The following PCDHGA4 variants were observed in gnomAD, a reference collection of about 807,000 sequenced individuals.
PCDHGA4 encodes protocadherin gamma subfamily A, 4.
PCDHGA4 carries 38 observed loss-of-function variants against 54.6 expected under a neutral mutation model. That is an observed-to-expected ratio of 0.70 (90% confidence interval 0.54 to 0.91). The LOEUF is 0.91. Among genes scored for constraint, PCDHGA4 ranks in the 40% least tolerant of loss-of-function variants. PCDHGA4 has a pLI of 0.00. For synonymous variants in PCDHGA4, 511 were observed against 512.9 expected, an observed-to-expected ratio of 1.00 and a Z score of 0.05; for missense variants, 1,298 against 1,220.9, an observed-to-expected ratio of 1.06 and a Z score of -0.94.
At chr5:141,457,933 TATTGGC>T (rs2098933012) in intron 1 of PCDHGA4, among the ~76,000 whole-genome samples, 2 of 152,206 alleles carry the variant, frequency 1.3e-5, no homozygotes, top group Non-Finnish European at 2.9e-5. Context: ...AAGGGGCTTT[TATTGGC>T]TCTGCATGTC....
intron 1 of PCDHGA4, chr5:141,414,814 A>C (rs1368279926): frequency 6.2e-7 from 1 of 1,614,100 alleles, no homozygotes; most frequent in African/African-American, 1.3e-5. Flanking sequence ...TCCTCCACTC[A>C]GCAGCAACGT....
In PCDHGA4 at chr5:141,477,250, C is replaced by G; in HGVS notation, c.2515-17557C>G. 6.2e-7 allele frequency: 1 copy of G among 1,614,190 alleles called. No homozygotes were observed. The highest frequency in any genetic ancestry group is 8.5e-7 in the Non-Finnish European group (1 of 1,180,040). On this transcript the variant is annotated intron_variant, in intron 1 of 3. Coordinates refer to ENST00000571252, the MANE Select transcript of PCDHGA4 (RefSeq NM_018917.4). The surrounding 1 kb of genome is among the most constrained non-coding windows in gnomAD (Gnocchi z 4.9). ...TCATCGCTTTGCTCAGTGTGACTGA[C>G]CTGGATGCTGGCGAGAACGGGCTGG...
At chr5:141,419,744 G>A (rs760207269) in intron 1 of PCDHGA4, 28 of 1,613,778 alleles carry the variant, frequency 1.7e-5, no homozygotes, top group East Asian at 2.2e-5. Context: ...GGTGCGCATG[G>A]TGCGTGCTTT....
chr5:141,407,949 C>T, intron 1 of PCDHGA4: 1 of 575,256 alleles, frequency 1.7e-6, no homozygotes, highest in Non-Finnish European at 2.8e-6. Context: ...CCGCTGTCGG[C>T]CAGTGCAGAG....
chr5:141,391,906 T>C (rs2092441756), intron 1 of PCDHGA4: 2 of 152,218 alleles, frequency 1.3e-5, no homozygotes, highest in Non-Finnish European at 2.9e-5. Flanking sequence ...GCTTTGCTTT[T>C]TATCATATAT....
chr5:141,491,131 G>A lies in PCDHGA4; in HGVS notation c.2515-3676G>A. 1 of 1,614,182 alleles carries A rather than the reference G, an allele frequency of 6.2e-7. No individual in the cohort carries two copies. Among genetic ancestry groups the A allele is most frequent in the Non-Finnish European group, 8.5e-7 (1 of 1,180,008 alleles). ...TACACACACTGGTGAGGTGCGCACA[G>A]CCCGGGCCTTACTGGAGGATGACTC... On this transcript the variant is annotated intron_variant, in intron 1 of 3. Coordinates refer to ENST00000571252, the MANE Select transcript of PCDHGA4 (RefSeq NM_018917.4). This position sits in a 1 kb window ranked among gnomAD's most constrained non-coding sequence, Gnocchi z 6.9.
intron 1 of PCDHGA4, among the ~76,000 whole-genome samples, chr5:141,436,848 AT>A (rs1247905529): frequency 6.6e-6 from 1 of 152,244 alleles, no homozygotes; most frequent in African/African-American, 2.4e-5. Flanking sequence ...CACATTCTTG[AT>A]TGAGAAGCCA....
At chr5:141,494,569 T>G (rs1341706026) in intron 1 of PCDHGA4, among the ~76,000 whole-genome samples, 2 of 152,190 alleles carry the variant, frequency 1.3e-5, no homozygotes, top group Non-Finnish European at 2.9e-5. Flanking sequence ...GAAAGGAGTC[T>G]CAGCTTGCTC....
At chr5:141,449,471 G>T (rs1261821886) in intron 1 of PCDHGA4, among the ~76,000 whole-genome samples, 1 of 151,060 alleles carries the variant, frequency 6.6e-6, no homozygotes, top group African/African-American at 2.4e-5. Flanking sequence ...GCCAGGCCTG[G>T]TACCCCATGC....
chr5:141,443,656 A>T (rs139300845), intron 1 of PCDHGA4, among the ~76,000 whole-genome samples: 1 of 152,256 alleles, frequency 6.6e-6, no homozygotes, highest in African/African-American at 2.4e-5. Flanking sequence ...TTAGCATAGC[A>T]TTTTACTGAA....
chr5:141,368,187 G>A (rs80010247), intron 1 of PCDHGA4, among the ~76,000 whole-genome samples: 206 of 152,174 alleles, frequency 1.4e-3, no homozygotes, highest in African/African-American at 4.8e-3. Context: ...GACTAAATAA[G>A]GGGAAAAGGT....
In PCDHGA4 at chr5:141,485,610, C is replaced by A; in HGVS notation, c.2515-9197C>A. ...CTGGACTTGGAAATTGGGGAGGCAGCTCCTCCAGGACAGCGTTTCCCGTTG... is the reference window on the plus strand; with the variant it reads ...CTGGACTTGGAAATTGGGGAGGCAGATCCTCCAGGACAGCGTTTCCCGTTG... On this transcript the variant is annotated intron_variant, in intron 1 of 3. Coordinates refer to ENST00000571252, the MANE Select transcript of PCDHGA4 (RefSeq NM_018917.4). This position sits in a 1 kb window ranked among gnomAD's most constrained non-coding sequence, Gnocchi z 5.7. The A allele has an allele frequency of 1.2e-6, 2 of 1,612,076 alleles. No individual in the cohort carries two copies. The highest frequency in any genetic ancestry group is 1.7e-6 in the Non-Finnish European group (2 of 1,178,616).
At chr5:141,376,572 A>C (rs776986338) in intron 1 of PCDHGA4, 1 of 1,600,622 alleles carries the variant, frequency 6.2e-7, no homozygotes, top group South Asian at 1.1e-5. Context: ...CTAATCAGAC[A>C]GGCTCATCAG....
intron 1 of PCDHGA4, chr5:141,403,638 A>T (rs373036061): frequency 1.9e-6 from 3 of 1,613,906 alleles, no homozygotes; most frequent in Non-Finnish European, 2.5e-6. Flanking sequence ...GTGCGCATCC[A>T]TGTGACAGTG....
chr5:141,362,454 A>G (rs1762511081), intron 1 of PCDHGA4: 1 of 1,614,056 alleles, frequency 6.2e-7, no homozygotes, highest in Non-Finnish European at 8.5e-7. Flanking sequence ...TAACCCCGGA[A>G]TTGGTTCCCG....
intron 1 of PCDHGA4, among the ~76,000 whole-genome samples, chr5:141,363,979 A>G (rs1179984185): frequency 6.6e-6 from 1 of 152,272 alleles, no homozygotes; most frequent in Non-Finnish European, 1.5e-5. Flanking sequence ...GCTATTCAGA[A>G]TTAAAGCTGA....
intron 1 of PCDHGA4, among the ~76,000 whole-genome samples, chr5:141,459,544 T>G (rs772982634): frequency 6.6e-6 from 1 of 152,246 alleles, no homozygotes; most frequent in Non-Finnish European, 1.5e-5. Flanking sequence ...TTTTTTTTAT[T>G]TCTCTTGGAT....
intron 1 of PCDHGA4, among the ~76,000 whole-genome samples, chr5:141,436,162 G>A (rs1036923915): frequency 2.6e-5 from 4 of 152,142 alleles, no homozygotes; most frequent in African/African-American, 7.2e-5. Flanking sequence ...TTTATCATAT[G>A]GACAGTTCTC....
At chr5:141,381,812 CTTTCT>C (rs1426701973) in intron 1 of PCDHGA4, among the ~76,000 whole-genome samples, 18 of 129,486 alleles carry the variant, frequency 1.4e-4, no homozygotes, top group African/African-American at 3.6e-4. Context: ...TTCTTTCTTT[CTTTCT>C]TTCTTCTTCT....
Sources: allele counts gnomAD v4.1 joint callset (sites outside exome capture counted in the v4.1 genomes callset), GRCh38; gene constraint gnomAD v4.1.1; non-coding constraint Gnocchi (gnomAD v3.1); transcripts MANE v1.5; gene names NCBI Gene and HGNC (gene_info 2026-07-23, HGNC 2026-07-21).